The following CCDC34 variants were observed in gnomAD, a reference collection of about 807,000 sequenced individuals.
CCDC34 encodes coiled-coil domain-containing protein 34.
CCDC34 carries 40 observed loss-of-function variants against 44.1 expected under a neutral mutation model. The ratio of observed to expected loss-of-function variants is 0.91; its 90% CI spans 0.70 to 1.18. CCDC34 has a LOEUF of 1.18. Among genes scored for constraint, CCDC34 ranks in the 50% most tolerant of loss-of-function variants. The pLI is 0.00. For missense variants in CCDC34, 466 were observed against 452.3 expected (o/e 1.03, Z -0.28); for synonymous variants, 159 against 158.2 (o/e 1.01, Z -0.04).
Position 27,341,561 on chromosome 11 carries a change from AAT to A in CCDC34, c.607-13_607-12del, listed in dbSNP as rs763576336. Reference sequence around the variant, plus strand: ...TCTTTCTTTTCTTTTCTTAAATAAAAATAGATAAAGTTTAATTGTAATACCAG... The same window carrying A: ...TCTTTCTTTTCTTTTCTTAAATAAAAAGATAAAGTTTAATTGTAATACCAG... On this transcript the variant is annotated splice_polypyrimidine_tract_variant and intron_variant, in intron 3 of 5. Coordinates refer to ENST00000328697, the MANE Select transcript of CCDC34 (RefSeq NM_030771.2). 1.0e-5 allele frequency: 12 copies of A among 1,176,218 alleles called. No homozygotes were observed. In the East Asian group the frequency reaches 3.2e-4, roughly 32 times the overall value. The allele number at this position is 1,176,218 out of a possible 1,614,324, so 72.9% of individuals were successfully genotyped here. A position where few individuals can be genotyped will look rare whatever the true frequency, so the allele number is the denominator to read the frequency against.
intron 3 of CCDC34, among the ~76,000 whole-genome samples, chr11:27,343,967 C>T (rs1008674318): frequency 6.6e-6 from 1 of 152,074 alleles, no homozygotes; most frequent in African/African-American, 2.4e-5. Context: ...GTCAAAATTC[C>T]TTAAAATATG....
Position 27,357,404 on chromosome 11 carries a change from T to G in CCDC34, c.497A>C (p.Glu166Ala), listed in dbSNP as rs1298598596. ...AAAAAGAACACTGTCTAGTTTTACC[T>G]CTAGAGCTTTCAGTTGCAGCCGGTC... ...ERDRLQLKAL[E>A]ELNQQLEKRK... The change falls in exon 2 of 6, where the codon GAG becomes GCG. Residue 166 changes from glutamate (E) to alanine (A), a missense_variant and splice_region_variant. By Grantham distance (107) the Glu-to-Ala change is moderately radical (BLOSUM62 -1). Transcript: ENST00000328697. 6.2e-7 allele frequency: 1 copy of G among 1,613,590 alleles called. No homozygotes were observed. The highest frequency in any genetic ancestry group is 1.3e-5 in the African/African-American group (1 of 74,906).
intron 5 of CCDC34, among the ~76,000 whole-genome samples, chr11:27,340,429 A>G: frequency 6.6e-6 from 1 of 152,192 alleles, no homozygotes; most frequent in Non-Finnish European, 1.5e-5. Context: ...GTAAGAGAAC[A>G]TTATTCATTT....
At chr11:27,358,220 T>C (rs775486855) in intron 1 of CCDC34, among the ~76,000 whole-genome samples, 10 of 152,156 alleles carry the variant, frequency 6.6e-5, no homozygotes, top group Non-Finnish European at 1.0e-4. Flanking sequence ...AGTCTGTCTC[T>C]TCTGAGGGTA....
chr11:27,355,603 C>A (rs1862563772), intron 2 of CCDC34, among the ~76,000 whole-genome samples: 1 of 152,142 alleles, frequency 6.6e-6, no homozygotes, highest in African/African-American at 2.4e-5. Context: ...CCTCACAAAA[C>A]CCCTGTGACA....
intron 2 of CCDC34, among the ~76,000 whole-genome samples, chr11:27,354,551 G>T (rs1862545826): frequency 6.6e-6 from 1 of 152,070 alleles, no homozygotes; most frequent in Non-Finnish European, 1.5e-5. Context: ...AATTTTGAAT[G>T]CAGGAAGTAT....
chr11:27,350,215 G>A (rs1404987505), intron 3 of CCDC34, 117 bp downstream of exon 3: 1 of 1,584,934 alleles, frequency 6.3e-7, no homozygotes, highest in Non-Finnish European at 8.6e-7. Context: ...AACAAAACAA[G>A]CCAAAGAAGA....
intron 3 of CCDC34, chr11:27,349,154 A>G (rs1862472700): frequency 1.0e-6 from 1 of 978,698 alleles, no homozygotes; most frequent in African/African-American, 1.8e-5. Flanking sequence ...AGGAAAGAGC[A>G]AACTATTCTG....
At chr11:27,346,500 A>AAGGC (rs1862437816) in intron 3 of CCDC34, among the ~76,000 whole-genome samples, 1 of 150,642 alleles carries the variant, frequency 6.6e-6, no homozygotes, top group African/African-American at 2.4e-5. Flanking sequence ...GGAAGGAAGG[A>AAGGC]AGGAAGGAAG....
intron 4 of CCDC34, 82 bp from the exon 5 acceptor site, chr11:27,340,919 C>G (rs1337907433): frequency 1.5e-6 from 2 of 1,293,280 alleles, no homozygotes; most frequent in Admixed American, 4.2e-5. Flanking sequence ...TTTTTTTTCT[C>G]CAGTAGCTTC....
At chr11:27,353,263 G>A (rs933414662) in intron 2 of CCDC34, among the ~76,000 whole-genome samples, 3 of 151,394 alleles carry the variant, frequency 2.0e-5, no homozygotes, top group South Asian at 2.1e-4. Flanking sequence ...CTATTCGTTC[G>A]TTAAGGGCTC....
In CCDC34 at chr11:27,338,897, T is replaced by C; in HGVS notation, c.1046A>G (p.His349Arg). 1 of 1,613,970 alleles carries C rather than the reference T, an allele frequency of 6.2e-7. No homozygotes were observed. The highest frequency in any genetic ancestry group is 8.5e-7 in the Non-Finnish European group (1 of 1,179,920). ...KSKRPVISQP[H>R]KSSSLVIHKA... ...ATGAATTACCAGAGATGATGACTTG[T>C]GTGGCTGACTTATCACAGGTCTTTT... The change falls in exon 6 of 6, where the codon CAC (histidine) becomes CGC (arginine). Residue 349 changes from histidine to arginine, a missense_variant. His to Arg is a conservative substitution (Grantham distance 29). Coordinates refer to ENST00000328697, the MANE Select transcript of CCDC34 (RefSeq NM_030771.2).
Position 27,340,852 on chromosome 11 carries a change from A to C in CCDC34, c.766-15T>G, listed in dbSNP as rs1862346695. On this transcript the variant is annotated splice_polypyrimidine_tract_variant and intron_variant, in intron 4 of 5. Transcript: ENST00000328697. Reference sequence around the variant, plus strand: ...TTTTCTTTTTCCTTAAAATGACAAGACCAAAATATTTCCAGGGATATTCTG... The same window carrying C: ...TTTTCTTTTTCCTTAAAATGACAAGCCCAAAATATTTCCAGGGATATTCTG... 1.2e-6 allele frequency: 2 copies of C among 1,608,760 alleles called. No homozygotes were observed. The highest frequency in any genetic ancestry group is 1.7e-6 in the Non-Finnish European group (2 of 1,177,554).
At chr11:27,342,121 G>T (rs750311108) in intron 3 of CCDC34, among the ~76,000 whole-genome samples, 4 of 151,812 alleles carry the variant, frequency 2.6e-5, no homozygotes, top group Non-Finnish European at 4.4e-5. Context: ...TCTTTCTTTT[G>T]TAAATTTCCC....
Position 27,350,322 on chromosome 11 carries a change from C to G in CCDC34, c.606+10G>C. 3 of 1,613,148 alleles carry G rather than the reference C, an allele frequency of 1.9e-6. No homozygotes were observed. The highest frequency in any genetic ancestry group is 2.5e-6 in the Non-Finnish European group (3 of 1,179,482). Reference sequence around the variant, plus strand: ...GATGTCAATGTGTGTATCCATTTTCCCCTCCTTACTTGCTCATTCTTTTTC... The same window carrying G: ...GATGTCAATGTGTGTATCCATTTTCGCCTCCTTACTTGCTCATTCTTTTTC... On this transcript the variant is annotated intron_variant, in intron 3 of 5. Coordinates refer to ENST00000328697, the MANE Select transcript of CCDC34 (RefSeq NM_030771.2).
At chr11:27,360,194 C>G (rs1862641990) in intron 1 of CCDC34, among the ~76,000 whole-genome samples, 1 of 152,192 alleles carries the variant, frequency 6.6e-6, no homozygotes, top group Non-Finnish European at 1.5e-5. Flanking sequence ...TTTATTACAG[C>G]ATGGTTTTCC....
At chr11:27,351,542 G>A (rs961562859) in intron 2 of CCDC34, among the ~76,000 whole-genome samples, 3 of 152,036 alleles carry the variant, frequency 2.0e-5, no homozygotes, top group Non-Finnish European at 2.9e-5. Flanking sequence ...CATCTTTAAG[G>A]ATTTTTCATC....
intron 3 of CCDC34, among the ~76,000 whole-genome samples, chr11:27,347,032 T>A (rs527442017): frequency 6.6e-6 from 1 of 152,336 alleles, no homozygotes; most frequent in South Asian, 2.1e-4. Flanking sequence ...AAAGATATAT[T>A]TCTGTTGTTT....
At position 27,348,985 on chromosome 11, in the gene CCDC34, T is replaced by C. The variant is rs957358055; in HGVS notation, c.606+1347A>G. 4.1e-6 allele frequency: 4 copies of C among 984,912 alleles called. No homozygotes were observed. The African/African-American group carries it at 5.2e-5, about 13-fold the overall frequency. 61.0% of individuals were successfully genotyped at this position (984,912 alleles called of 1,614,324 possible). On this transcript the variant is annotated intron_variant, in intron 3 of 5. Transcript: ENST00000328697. ...CTTCCCTCCAAAAGAAATAATTTTT[T>C]TTTTCTTCAAATAATTGGATTAGGT...
Sources: allele counts gnomAD v4.1 joint callset (sites outside exome capture counted in the v4.1 genomes callset), GRCh38; gene constraint gnomAD v4.1.1; transcripts MANE v1.5; gene names NCBI Gene and HGNC (gene_info 2026-07-23, HGNC 2026-07-21).